The following NHS variants were observed in gnomAD, a reference collection of about 807,000 sequenced individuals.
The protein encoded by NHS is NHS actin remodeling regulator.
A neutral mutation model predicts 72.5 loss-of-function variants in NHS; 5 were observed. That is an observed-to-expected ratio of 0.07 (90% CI 0.04 to 0.14). NHS has a LOEUF of 0.14. Ranked by LOEUF, NHS falls within the 10% of genes least tolerant of loss-of-function variation. The probability of loss-of-function intolerance (pLI) is 1.00; values close to 1 mark genes in which losing one functional copy is unlikely to be tolerated. For synonymous variants in NHS, 464 were observed against 547.7 expected (o/e 0.85, Z 2.13); for missense variants, 1,072 against 1,355.7 (o/e 0.79, Z 3.29).
intron 1 of NHS, among the ~76,000 whole-genome samples, chrX:17,567,882 C>A (rs1337861885): frequency 2.7e-5 from 3 of 111,032 alleles, no homozygotes; most frequent in Non-Finnish European, 5.7e-5. Context: ...TAAAAGAGGG[C>A]AGAGGAGTGA....
chrX:17,459,511 T>C (rs2064838820), intron 1 of NHS, among the ~76,000 whole-genome samples: 1 of 112,612 alleles, frequency 8.9e-6, no homozygotes, highest in Non-Finnish European at 1.9e-5. Flanking sequence ...CTCTTTTCTG[T>C]TCCAGGGACT....
chrX:17,404,757 T>C (rs1272327422), intron 1 of NHS, among the ~76,000 whole-genome samples: 1 of 109,886 alleles, frequency 9.1e-6, no homozygotes, highest in Non-Finnish European at 1.9e-5. Flanking sequence ...TCCTGGTAGC[T>C]TTCCTGACTA....
intron 1 of NHS, among the ~76,000 whole-genome samples, chrX:17,555,572 T>A (rs2065366249): frequency 8.9e-6 from 1 of 111,877 alleles, no homozygotes; most frequent in South Asian, 3.7e-4. Context: ...TGCCAAGTGC[T>A]GTTCCTCTCT....
chrX:17,527,459 T>A (rs1224979407), intron 1 of NHS, among the ~76,000 whole-genome samples: 1 of 113,005 alleles, frequency 8.8e-6, no homozygotes, highest in Non-Finnish European at 1.9e-5. Flanking sequence ...GACTGGAAGC[T>A]GGGGAAGGAA....
intron 1 of NHS, among the ~76,000 whole-genome samples, chrX:17,565,983 C>CTT (rs538804816): frequency 5.4e-4 from 53 of 97,322 alleles, no homozygotes; most frequent in African/African-American, 1.8e-3. Context: ...GACTTTCTGT[C>CTT]TTTTTTTTTT....
chrX:17,421,568 T>C (rs2064623843), intron 1 of NHS, among the ~76,000 whole-genome samples: 1 of 111,058 alleles, frequency 9.0e-6, no homozygotes, highest in Non-Finnish European at 1.9e-5. Flanking sequence ...TTTGTACTTT[T>C]TGTTTATTTT....
At chrX:17,582,395 G>A (rs761612284) in intron 1 of NHS, among the ~76,000 whole-genome samples, 11 of 112,092 alleles carry the variant, frequency 9.8e-5, no homozygotes, top group African/African-American at 3.6e-4. Flanking sequence ...TCCAAGAAAG[G>A]CTGAAACACC....
At chrX:17,587,869 A>G (rs953232510) in intron 1 of NHS, among the ~76,000 whole-genome samples, 1 of 112,726 alleles carries the variant, frequency 8.9e-6, no homozygotes, top group Non-Finnish European at 1.9e-5. Flanking sequence ...GAACAAGGAT[A>G]CAAAGATGAA....
chrX:17,396,941 T>G (rs750444867), intron 1 of NHS, among the ~76,000 whole-genome samples: 1 of 112,321 alleles, frequency 8.9e-6, no homozygotes, highest in South Asian at 3.7e-4. Flanking sequence ...TTTTTTTTCA[T>G]ACTCATTCCC....
At chrX:17,624,328 G>A (rs774149685) in intron 1 of NHS, among the ~76,000 whole-genome samples, 2 of 112,188 alleles carry the variant, frequency 1.8e-5, no homozygotes, top group Non-Finnish European at 3.8e-5. Flanking sequence ...TTTGAGTGAT[G>A]TCTAACATAC....
intron 3 of NHS, among the ~76,000 whole-genome samples, chrX:17,699,867 G>A (rs1259538348): frequency 9.0e-6 from 1 of 110,952 alleles, no homozygotes; most frequent in African/African-American, 3.3e-5. Flanking sequence ...AAATACAGAG[G>A]AAAGAAAAGA....
At chrX:17,576,787 C>T (rs759889143) in intron 1 of NHS, among the ~76,000 whole-genome samples, 11 of 111,499 alleles carry the variant, frequency 9.9e-5, no homozygotes, top group African/African-American at 3.6e-4. Flanking sequence ...TGGGGAAAGG[C>T]GACTTATGGA....
chrX:17,440,490 A>T (rs2064746777), intron 1 of NHS, among the ~76,000 whole-genome samples: 1 of 110,841 alleles, frequency 9.0e-6, no homozygotes, highest in African/African-American at 3.3e-5. Flanking sequence ...TTTACATCAC[A>T]AAGTCCAAAG....
At chrX:17,710,351 A>G (rs1243560860) in intron 3 of NHS, among the ~76,000 whole-genome samples, 1 of 112,654 alleles carries the variant, frequency 8.9e-6, no homozygotes, top group Admixed American at 9.4e-5. Flanking sequence ...ACTTGTGTAT[A>G]CACATCATTA....
At chrX:17,499,309 C>T (rs1223584268) in intron 1 of NHS, among the ~76,000 whole-genome samples, 1 of 111,226 alleles carries the variant, frequency 9.0e-6, no homozygotes, top group South Asian at 3.9e-4. Context: ...CTGTCTTCCT[C>T]CCTGCATCAC....
intron 1 of NHS, among the ~76,000 whole-genome samples, chrX:17,502,002 A>C (rs1038244918): frequency 1.2e-4 from 13 of 111,907 alleles, no homozygotes; most frequent in African/African-American, 3.9e-4. Flanking sequence ...TGTTTGGTGG[A>C]GAGTCCATTG....
At chrX:17,408,898 C>T (rs747573210) in intron 1 of NHS, among the ~76,000 whole-genome samples, 5 of 111,055 alleles carry the variant, frequency 4.5e-5, no homozygotes, top group Non-Finnish European at 9.4e-5. Flanking sequence ...TAGATAACTG[C>T]GTTCTTGCTG....
In NHS at chrX:17,406,879, GT is replaced by G. The variant is rs745321929; in HGVS notation, c.565+30558del. On this transcript the variant is annotated intron_variant, in intron 1 of 8. Transcript: ENST00000676302. ...AAGAGGGAGAAGCTAAAGGTTGACTGTGATGTGGGAGGATGCAGCCAGGGGC... is the reference window on the plus strand; with the variant it reads ...AAGAGGGAGAAGCTAAAGGTTGACTGGATGTGGGAGGATGCAGCCAGGGGC... 1.8e-3 allele frequency among the ~76,000 whole-genome samples: 200 copies of G among 112,320 alleles called. 1 individual carries two copies. Among genetic ancestry groups the G allele is most frequent in the African/African-American group, 6.1e-3 (189 of 30,957 alleles).
chrX:17,506,742 CT>C (rs1210831390), intron 1 of NHS, among the ~76,000 whole-genome samples: 1 of 110,735 alleles, frequency 9.0e-6, no homozygotes, highest in Non-Finnish European at 1.9e-5. Flanking sequence ...AGCATCTATT[CT>C]CACATCCTTC....
Sources: allele counts gnomAD v4.1 joint callset (sites outside exome capture counted in the v4.1 genomes callset), GRCh38; gene constraint gnomAD v4.1.1; transcripts MANE v1.5; gene names NCBI Gene and HGNC (gene_info 2026-07-23, HGNC 2026-07-21).